Variants in SHISA5 observed in about 807,000 individuals in gnomAD.
The protein encoded by SHISA5 is shisa family member 5, also known as protein shisa-5.
SHISA5 carries 21 observed loss-of-function variants against 27.5 expected under a neutral mutation model. The ratio of observed to expected loss-of-function variants is 0.76; its 90% CI spans 0.54 to 1.10. SHISA5 has a LOEUF of 1.10. Ranked by LOEUF, SHISA5 falls within the 50% of genes least tolerant of loss-of-function variation. The probability of loss-of-function intolerance (pLI) is 0.00; values close to 1 mark genes in which losing one functional copy is unlikely to be tolerated. For synonymous variants in SHISA5, 137 were observed against 142.2 expected, an observed-to-expected ratio of 0.96 and a Z score of 0.26; for missense variants, 314 against 336.3, an observed-to-expected ratio of 0.93 and a Z score of 0.52.
At chr3:48,498,174 A>T (rs1483920321) in intron 2 of SHISA5, among the ~76,000 whole-genome samples, 1 of 152,136 alleles carries the variant, frequency 6.6e-6, no homozygotes, top group Non-Finnish European at 1.5e-5. Context: ...CATAATTAAA[A>T]CTCTAGGTGT....
At chr3:48,502,594 T>C in intron 1 of SHISA5, 1 of 345,924 alleles carries the variant, frequency 2.9e-6, no homozygotes, top group Non-Finnish European at 5.8e-6. Flanking sequence ...CCACAAGGTT[T>C]ACAAACCTCC....
rs879837251 is a variant in SHISA5, at chr3:48,473,710, A to G, written c.315-3867T>C. 7 of 554,738 alleles carry G rather than the reference A, an allele frequency of 1.3e-5. No individual in the cohort carries two copies. Among genetic ancestry groups the G allele is most frequent in the Non-Finnish European group, 1.6e-5 (7 of 436,824 alleles). 34.4% of individuals were successfully genotyped at this position (554,738 alleles called of 1,614,324 possible). On this transcript the variant is annotated intron_variant, in intron 3 of 5. Coordinates refer to ENST00000296444, the MANE Select transcript of SHISA5 (RefSeq NM_016479.6). This position sits in a 1 kb window ranked among gnomAD's most constrained non-coding sequence, Gnocchi z 4.3. ...TTACAAAGGAATTTGCTTTATAATTACATGTTAAACTGAGTGTGTCTGTGC... is the reference window on the plus strand; with the variant it reads ...TTACAAAGGAATTTGCTTTATAATTGCATGTTAAACTGAGTGTGTCTGTGC...
Position 48,468,970 on chromosome 3 carries a change from A to T in SHISA5, c.*137T>A, listed in dbSNP as rs1446623364. 2.6e-6 allele frequency: 4 copies of T among 1,565,080 alleles called. No homozygotes were observed. The African/African-American group carries it at 5.4e-5, about 21-fold the overall frequency. On this transcript the variant is annotated 3_prime_UTR_variant, in exon 6 of 6. Transcript: ENST00000296444. ...AGGAAGCCACATATACAGGCAGGACACACACAGCACACATGGGGCGTAAGG... is the reference window on the plus strand; with the variant it reads ...AGGAAGCCACATATACAGGCAGGACTCACACAGCACACATGGGGCGTAAGG...
intron 3 of SHISA5, among the ~76,000 whole-genome samples, chr3:48,478,480 A>G (rs998793782): frequency 6.6e-6 from 1 of 152,056 alleles, no homozygotes; most frequent in Non-Finnish European, 1.5e-5. Context: ...GGAGACAGCA[A>G]GTGGAACAGA....
intron 2 of SHISA5, among the ~76,000 whole-genome samples, chr3:48,480,176 T>A (rs1330517585): frequency 6.6e-6 from 1 of 151,806 alleles, no homozygotes; most frequent in East Asian, 1.9e-4. Flanking sequence ...GTGCTGGGAT[T>A]ACAGGCGTGA....
At chr3:48,504,354 C>G (rs146502075), upstream of SHISA5, 1,759 of 333,516 alleles carry the variant, frequency 5.3e-3, 19 homozygotes, top group African/African-American at 0.035. The surrounding 1 kb of genome is among the most constrained non-coding windows in gnomAD (Gnocchi z 4.0). Context: ...GGGGTCTGCG[C>G]GAAAACTTGG....
chr3:48,499,928 T>C (rs1165237608), intron 2 of SHISA5, among the ~76,000 whole-genome samples: 2 of 141,646 alleles, frequency 1.4e-5, no homozygotes, highest in African/African-American at 2.6e-5. Context: ...GAAGAAGACC[T>C]GTCAGGAACC....
intron 2 of SHISA5, among the ~76,000 whole-genome samples, chr3:48,497,262 GTTT>G (rs771239815): frequency 3.4e-5 from 4 of 116,576 alleles, no homozygotes; most frequent in African/African-American, 3.5e-5. Context: ...TCCAGAACAA[GTTT>G]TTTTTTTTTT....
chr3:48,490,544 C>T (rs2041390752), intron 2 of SHISA5, among the ~76,000 whole-genome samples: 1 of 152,194 alleles, frequency 6.6e-6, no homozygotes, highest in African/African-American at 2.4e-5. Flanking sequence ...GCACTGAGAA[C>T]TAAACTCTGA....
intron 2 of SHISA5, among the ~76,000 whole-genome samples, chr3:48,484,835 G>A (rs2041145007): frequency 1.3e-5 from 2 of 152,178 alleles, no homozygotes; most frequent in Admixed American, 1.3e-4. Flanking sequence ...AGAGGTTGCA[G>A]TGAGCCGAGA....
At chr3:48,503,966 G>A (rs1200036770) in intron 1 of SHISA5, 53 bp downstream of exon 1, 29 of 1,445,352 alleles carry the variant, frequency 2.0e-5, no homozygotes, top group Non-Finnish European at 2.6e-5. Context: ...GCAGCGCGGG[G>A]AAGTGTCTGC....
intron 2 of SHISA5, among the ~76,000 whole-genome samples, chr3:48,497,272 T>C (rs901806930): frequency 6.8e-6 from 1 of 147,946 alleles, no homozygotes; most frequent in Non-Finnish European, 1.5e-5. Context: ...GTTTTTTTTT[T>C]TTTTTTTTTT....
chr3:48,469,976 C>G lies in SHISA5; in HGVS notation c.315-133G>C, dbSNP rs987499637. 14 of 1,208,522 alleles carry G rather than the reference C, an allele frequency of 1.2e-5. No individual in the cohort carries two copies. The African/African-American group carries it at 2.0e-4, about 17-fold the overall frequency. The allele number at this position is 1,208,522 out of a possible 1,614,324, so 74.9% of individuals were successfully genotyped here. A position where few individuals can be genotyped will look rare whatever the true frequency, so the allele number is the denominator to read the frequency against. ...TTATAGCTACTTCCTTGTCGGGTGGCCTGCACCTGTTTCAATCTGTTTCCT... is the reference window on the plus strand; with the variant it reads ...TTATAGCTACTTCCTTGTCGGGTGGGCTGCACCTGTTTCAATCTGTTTCCT... On this transcript the variant is annotated intron_variant, in intron 3 of 5. Transcript: ENST00000296444. The surrounding 1 kb of genome is among the most constrained non-coding windows in gnomAD (Gnocchi z 4.6).
chr3:48,480,432 G>T (rs1005775640), intron 2 of SHISA5, among the ~76,000 whole-genome samples: 1 of 152,170 alleles, frequency 6.6e-6, no homozygotes, highest in African/African-American at 2.4e-5. Context: ...AGAACTAAAT[G>T]ATGAAAATAC....
chr3:48,477,987 T>C (rs143563054), intron 3 of SHISA5, among the ~76,000 whole-genome samples: 70 of 152,354 alleles, frequency 4.6e-4, no homozygotes, highest in African/African-American at 1.6e-3. Context: ...GCAGCCAGTG[T>C]GGTCTTCCTA....
chr3:48,502,484 T>C (rs1360927614), intron 1 of SHISA5: 2 of 440,472 alleles, frequency 4.5e-6, no homozygotes, highest in Non-Finnish European at 4.6e-6. Flanking sequence ...CAGCACAGAG[T>C]TGGGATCTAC....
chr3:48,469,272 T>C lies in SHISA5; in HGVS notation c.644-86A>G. The stretch of plus-strand genomic sequence containing the variant: ...GCAAGCAGAAAGGGGCAGAGGCCTG[T>C]TGAGTGATGTAGTTTGGGATGGGTG... On this transcript the variant is annotated intron_variant, in intron 5 of 5. Transcript: ENST00000296444. This position sits in a 1 kb window ranked among gnomAD's most constrained non-coding sequence, Gnocchi z 4.6. The C allele has an allele frequency of 1.3e-6, 2 of 1,577,812 alleles. No homozygotes were observed. Among genetic ancestry groups the C allele is most frequent in the Non-Finnish European group, 1.7e-6 (2 of 1,162,450 alleles).
At chr3:48,490,791 G>A (rs1282926292) in intron 2 of SHISA5, among the ~76,000 whole-genome samples, 1 of 152,150 alleles carries the variant, frequency 6.6e-6, no homozygotes, top group African/African-American at 2.4e-5. Flanking sequence ...GGGAGAAAAT[G>A]TGCATCTGTA....
At position 48,503,898 on chromosome 3, in the gene SHISA5, G is replaced by A. The variant is rs1180127805; in HGVS notation, c.76+121C>T. 1.1e-5 allele frequency: 14 copies of A among 1,328,204 alleles called. No individual in the cohort carries two copies. The Admixed American group carries it at 1.1e-4, about 10-fold the overall frequency. The allele number at this position is 1,328,204 out of a possible 1,614,324, so 82.3% of individuals were successfully genotyped here. On this transcript the variant is annotated intron_variant, in intron 1 of 5. Coordinates refer to ENST00000296444, the MANE Select transcript of SHISA5 (RefSeq NM_016479.6). ...GTGGGGGTTCGCTGACGGCCTCGGG[G>A]CAATCAGGGGTCAGTGGGGGGCATA...
Sources: gnomAD v4.1 joint callset for allele counts (sites outside exome capture counted in the v4.1 genomes callset) on GRCh38, gnomAD v4.1.1 for gene constraint, Gnocchi (gnomAD v3.1) non-coding constraint, MANE v1.5 for transcripts, NCBI Gene and HGNC (gene_info 2026-07-23, HGNC 2026-07-21) for gene names.